TNRC6B: variants seen among roughly 807,000 people sequenced by gnomAD.
TNRC6B encodes the protein trinucleotide repeat containing adaptor 6B.
A neutral mutation model predicts 203.6 loss-of-function variants in TNRC6B; 52 were observed. That is an observed-to-expected ratio of 0.26 (90% CI 0.20 to 0.32). TNRC6B has a LOEUF of 0.32. TNRC6B is among the 10% of genes least tolerant of loss of function. TNRC6B has a pLI of 1.00. For synonymous variants in TNRC6B, 838 were observed against 845.7 expected (o/e 0.99, Z 0.16); for missense variants, 1,923 against 2,286.2 (o/e 0.84, Z 3.24).
At chr22:40,317,317 C>T (rs961157018) in intron 21 of TNRC6B, among the ~76,000 whole-genome samples, 2 of 152,192 alleles carry the variant, frequency 1.3e-5, no homozygotes, top group Non-Finnish European at 2.9e-5. Flanking sequence ...CAGTGGCTCA[C>T]GCCTGTAATC....
chr22:40,190,324 C>T (rs1256152254), intron 1 of TNRC6B, among the ~76,000 whole-genome samples: 1 of 152,224 alleles, frequency 6.6e-6, no homozygotes, highest in African/African-American at 2.4e-5. Flanking sequence ...GCAGTTGTAG[C>T]ATCTAGAATA....
At chr22:40,088,585 TGTG>T (rs1449320636) in intron 1 of TNRC6B, among the ~76,000 whole-genome samples, 1 of 7,314 alleles carries the variant, frequency 1.4e-4, no homozygotes, top group Non-Finnish European at 3.1e-4. Flanking sequence ...CGGCTACTTT[TGTG>T]TGTGTGTGTG....
chr22:40,114,982 G>T (rs914326398), intron 1 of TNRC6B, among the ~76,000 whole-genome samples: 1 of 152,176 alleles, frequency 6.6e-6, no homozygotes, highest in African/African-American at 2.4e-5. Context: ...TGATACAGAG[G>T]TTCACAGCCT....
chr22:40,218,738 A>G, intron 1 of TNRC6B, among the ~76,000 whole-genome samples: 1 of 152,220 alleles, frequency 6.6e-6, no homozygotes, highest in East Asian at 1.9e-4. Flanking sequence ...CATGGGCGGC[A>G]CAAGATGACC....
intron 11 of TNRC6B, among the ~76,000 whole-genome samples, chr22:40,283,136 C>T (rs1316494503): frequency 2.0e-5 from 3 of 152,008 alleles, no homozygotes; most frequent in Non-Finnish European, 2.9e-5. Context: ...CCCAGGTTCA[C>T]GCCATTCTCC....
chr22:40,258,565 C>T (rs997098677), intron 3 of TNRC6B, among the ~76,000 whole-genome samples: 4 of 152,052 alleles, frequency 2.6e-5, no homozygotes, highest in Non-Finnish European at 5.9e-5. Context: ...GTGTCTTGGG[C>T]GTTTTCTGAC....
chr22:40,056,058 CTT>C (rs2067792249), intron 1 of TNRC6B, among the ~76,000 whole-genome samples: 2 of 152,186 alleles, frequency 1.3e-5, no homozygotes, highest in Admixed American at 1.3e-4. Context: ...TTCAATGTCT[CTT>C]TCCTTTTCTG....
intron 1 of TNRC6B, among the ~76,000 whole-genome samples, chr22:40,191,226 A>C (rs1436707435): frequency 6.6e-6 from 1 of 152,072 alleles, no homozygotes; most frequent in Non-Finnish European, 1.5e-5. Context: ...CAGCTGTGCC[A>C]TCTTGTGTGC....
chr22:40,267,139 G>A, intron 5 of TNRC6B, 103 bp downstream of exon 5: 1 of 1,242,750 alleles, frequency 8.0e-7, no homozygotes. Context: ...GTTCTGAGAT[G>A]CTTTCCTACA....
intron 1 of TNRC6B, among the ~76,000 whole-genome samples, chr22:40,054,213 C>T (rs887106930): frequency 6.6e-6 from 1 of 152,192 alleles, no homozygotes; most frequent in African/African-American, 2.4e-5. Flanking sequence ...GAGACCCTGT[C>T]TCAAAAACAA....
chr22:40,209,332 T>C (rs1019708376), intron 1 of TNRC6B, among the ~76,000 whole-genome samples: 3 of 152,204 alleles, frequency 2.0e-5, no homozygotes, highest in African/African-American at 7.2e-5. Context: ...AGCTTTTATT[T>C]CTTCCTAGCC....
chr22:40,205,969 T>C (rs939029869), intron 1 of TNRC6B, among the ~76,000 whole-genome samples: 1 of 152,178 alleles, frequency 6.6e-6, no homozygotes, highest in Admixed American at 6.5e-5. Flanking sequence ...AATAATGCAG[T>C]AGAGCCACAT....
intron 4 of TNRC6B, among the ~76,000 whole-genome samples, chr22:40,163,371 C>A (rs1167262294): frequency 7.2e-6 from 1 of 138,562 alleles, no homozygotes; most frequent in African/African-American, 2.7e-5. Flanking sequence ...GCACTCTACC[C>A]TGGGTGACAG....
At chr22:40,131,086 A>AT (rs1384273850) in intron 3 of TNRC6B, among the ~76,000 whole-genome samples, 29 of 151,360 alleles carry the variant, frequency 1.9e-4, no homozygotes, top group Admixed American at 4.0e-4. Flanking sequence ...TGCCCAGATA[A>AT]TTTTTTGTAT....
At chr22:40,090,291 TCC>T (rs2068139511) in intron 1 of TNRC6B, among the ~76,000 whole-genome samples, 1 of 152,206 alleles carries the variant, frequency 6.6e-6, no homozygotes, top group South Asian at 2.1e-4. Flanking sequence ...GGTTTTGCAT[TCC>T]CACCAGCAAT....
chr22:40,123,168 G>A (rs1011597850), intron 2 of TNRC6B, among the ~76,000 whole-genome samples: 12 of 152,142 alleles, frequency 7.9e-5, no homozygotes, highest in Admixed American at 5.9e-4. Flanking sequence ...GGACACGATG[G>A]ATTTTAAGAA....
Position 40,193,927 on chromosome 22 carries a change from C to T in TNRC6B, c.5+15787C>T, listed in dbSNP as rs145756842. 4.6e-3 allele frequency among the ~76,000 whole-genome samples: 704 copies of T among 151,860 alleles called. 6 individuals are homozygous for T. The highest frequency in any genetic ancestry group is 0.015 in the African/African-American group (635 of 41,442). ...AAGAGCTTCACTGAGAGAGGAGATG[C>T]GTTATATGTAATTGCAGTGATCTGT... On this transcript the variant is annotated intron_variant, in intron 1 of 22. Coordinates refer to ENST00000454349, the MANE Select transcript of TNRC6B (RefSeq NM_001162501.2).
chr22:40,167,724 A>T (rs2068932458), intron 4 of TNRC6B, among the ~76,000 whole-genome samples: 1 of 150,318 alleles, frequency 6.7e-6, no homozygotes, highest in Non-Finnish European at 1.5e-5. Context: ...AAAAAAAAAA[A>T]AAAAAAGCTG....
At chr22:40,137,220 A>G (rs1294935332) in intron 3 of TNRC6B, among the ~76,000 whole-genome samples, 1 of 152,254 alleles carries the variant, frequency 6.6e-6, no homozygotes, top group African/African-American at 2.4e-5. Context: ...GATCTGCTTT[A>G]GCAAAAGTGA....
Sources: allele counts gnomAD v4.1 joint callset (sites outside exome capture counted in the v4.1 genomes callset), GRCh38; gene constraint gnomAD v4.1.1; transcripts MANE v1.5; gene names NCBI Gene and HGNC (gene_info 2026-07-23, HGNC 2026-07-21).